Variants in MCF2L2 observed in about 807,000 individuals in gnomAD.
MCF2L2 encodes the protein MCF.2 cell line derived transforming sequence-like 2.
Under a neutral mutation model 150.2 loss-of-function variants are expected in MCF2L2, and 102 were observed. The observed-to-expected ratio is 0.68, with a 90% CI of 0.58 to 0.80. The LOEUF (loss-of-function observed/expected upper bound fraction) is 0.80. Ranked by LOEUF, MCF2L2 falls within the 30% of genes least tolerant of loss-of-function variation. The probability of loss-of-function intolerance (pLI) is 0.00; values close to 1 mark genes in which losing one functional copy is unlikely to be tolerated. For synonymous variants in MCF2L2, 465 were observed against 491.3 expected, an observed-to-expected ratio of 0.95 and a Z score of 0.71; for missense variants, 1,256 against 1,372.8, an observed-to-expected ratio of 0.91 and a Z score of 1.34.
At chr3:183,310,227 C>T (rs1729300581) in intron 9 of MCF2L2, among the ~76,000 whole-genome samples, 2 of 151,572 alleles carry the variant, frequency 1.3e-5, no homozygotes, top group Non-Finnish European at 2.9e-5. Flanking sequence ...CTGGGCCGGG[C>T]GCAGTGGCTC....
intron 3 of MCF2L2, chr3:183,376,055 CCAGA>C (rs1713172397): frequency 6.6e-6 from 1 of 151,850 alleles, no homozygotes; most frequent in Non-Finnish European, 1.5e-5. Flanking sequence ...GAAGAACTGG[CCAGA>C]CAGCCACTCT....
intron 1 of MCF2L2, among the ~76,000 whole-genome samples, chr3:183,402,606 G>A (rs1365491909): frequency 6.6e-6 from 1 of 151,726 alleles, no homozygotes; most frequent in African/African-American, 2.4e-5. Flanking sequence ...TTCGAGACAA[G>A]CCTGGGCAAC....
intron 1 of MCF2L2, among the ~76,000 whole-genome samples, chr3:183,411,531 A>T (rs1715315641): frequency 6.6e-6 from 1 of 152,198 alleles, no homozygotes; most frequent in African/African-American, 2.4e-5. Context: ...TTTGATCCTC[A>T]ATGATTTCAA....
chr3:183,250,573 C>T (rs1236986773), intron 15 of MCF2L2, among the ~76,000 whole-genome samples: 4 of 145,410 alleles, frequency 2.8e-5, no homozygotes, highest in Admixed American at 2.1e-4. Context: ...GGTGACAGAG[C>T]GATACTTCGT....
intron 3 of MCF2L2, among the ~76,000 whole-genome samples, chr3:183,368,280 T>C (rs1271790513): frequency 1.3e-5 from 2 of 152,182 alleles, no homozygotes; most frequent in Non-Finnish European, 2.9e-5. Flanking sequence ...TTCTGTTGTG[T>C]CCTAATGCAT....
At chr3:183,421,643 T>G (rs1577143668) in intron 1 of MCF2L2, among the ~76,000 whole-genome samples, 2 of 152,158 alleles carry the variant, frequency 1.3e-5, no homozygotes, top group African/African-American at 4.8e-5. Context: ...CACCTGGGCT[T>G]TCTCACAGGC....
At chr3:183,288,569 A>C (rs115234632) in intron 14 of MCF2L2, among the ~76,000 whole-genome samples, 3,001 of 151,550 alleles carry the variant, frequency 0.02, 59 homozygotes, top group East Asian at 0.053. Context: ...GTAACCTCCA[A>C]CTTCCAGTTT....
intron 5 of MCF2L2, among the ~76,000 whole-genome samples, chr3:183,324,951 T>G (rs989245603): frequency 3.3e-5 from 5 of 151,634 alleles, no homozygotes; most frequent in Middle Eastern, 6.8e-3. Flanking sequence ...ATAAAAAATG[T>G]AGAGTTCATG....
At chr3:183,225,832 T>G (rs1161430482) in intron 18 of MCF2L2, 1 of 152,264 alleles carries the variant, frequency 6.6e-6, no homozygotes, top group Non-Finnish European at 1.5e-5. Flanking sequence ...ATCCTCTGCA[T>G]ACATTATTTT....
At chr3:183,292,384 G>C (rs892143576) in intron 13 of MCF2L2, among the ~76,000 whole-genome samples, 1 of 151,904 alleles carries the variant, frequency 6.6e-6, no homozygotes, top group Non-Finnish European at 1.5e-5. Flanking sequence ...GCAAGACCCC[G>C]TTCTCCACAA....
At chr3:183,302,465 G>C (rs889413759) in intron 10 of MCF2L2, among the ~76,000 whole-genome samples, 1 of 152,106 alleles carries the variant, frequency 6.6e-6, no homozygotes, top group Non-Finnish European at 1.5e-5. Context: ...AGCAGAGGGA[G>C]CAAGAAGGAA....
At chr3:183,401,211 C>T (rs1427338615) in intron 1 of MCF2L2, among the ~76,000 whole-genome samples, 1 of 152,144 alleles carries the variant, frequency 6.6e-6, no homozygotes, top group Non-Finnish European at 1.5e-5. Flanking sequence ...GAGAGGCTGC[C>T]TTTTCCTGAT....
rs548351194 is a variant in MCF2L2 at position 183,204,369 on chromosome 3, T to C, written c.2884+1507A>G. Among the ~76,000 whole-genome samples, 4 of 152,178 alleles carry C rather than the reference T, an allele frequency of 2.6e-5. No individual in the cohort carries two copies. The East Asian group carries it at 5.8e-4, about 22-fold the overall frequency. ...AAAGAAGATATACCAATGGCCAATATGCATGTTAAAAGATGCTCAACATCA... is the reference window on the plus strand; with the variant it reads ...AAAGAAGATATACCAATGGCCAATACGCATGTTAAAAGATGCTCAACATCA... On this transcript the variant is annotated intron_variant, in intron 25 of 29. Coordinates refer to ENST00000328913, the MANE Select transcript of MCF2L2 (RefSeq NM_015078.4).
chr3:183,413,475 C>T (rs1179134659), intron 1 of MCF2L2, among the ~76,000 whole-genome samples: 3 of 152,170 alleles, frequency 2.0e-5, no homozygotes, highest in Non-Finnish European at 4.4e-5. Context: ...TCACAGCTCC[C>T]CCAGGGCTAA....
At chr3:183,331,333 G>A (rs1343534836) in intron 5 of MCF2L2, among the ~76,000 whole-genome samples, 9 of 152,162 alleles carry the variant, frequency 5.9e-5, no homozygotes, top group South Asian at 4.1e-4. Context: ...CCCATGCGGC[G>A]TGAGGTGACC....
At chr3:183,398,405 G>GCT (rs1714574499) in intron 1 of MCF2L2, among the ~76,000 whole-genome samples, 1 of 152,172 alleles carries the variant, frequency 6.6e-6, no homozygotes, top group Non-Finnish European at 1.5e-5. Flanking sequence ...AGAGAAGACA[G>GCT]CTCTCTGACT....
At chr3:183,326,487 CG>C (rs929395416) in intron 5 of MCF2L2, among the ~76,000 whole-genome samples, 11 of 99,534 alleles carry the variant, frequency 1.1e-4, no homozygotes, top group African/African-American at 5.0e-4. Flanking sequence ...AGTGAAACTC[CG>C]TCTCAAAAAA....
chr3:183,296,945 C>T lies in MCF2L2; in HGVS notation c.1497+31G>A, dbSNP rs569989773. 3 of 1,599,356 alleles carry T rather than the reference C, an allele frequency of 1.9e-6. No homozygotes were observed. The South Asian group carries it at 3.4e-5, about 18-fold the overall frequency. On this transcript the variant is annotated intron_variant, in intron 12 of 29. Transcript: ENST00000328913. ...CCTCCCTCCCCTATCCGTTTCCCAACCACAGGATCAAAATAACCCGGAAGC... is the reference window on the plus strand; with the variant it reads ...CCTCCCTCCCCTATCCGTTTCCCAATCACAGGATCAAAATAACCCGGAAGC...
At chr3:183,427,780 G>C in intron 1 of MCF2L2, 122 bp downstream of exon 1, 1 of 841,776 alleles carries the variant, frequency 1.2e-6, no homozygotes, top group Non-Finnish European at 2.0e-6. Flanking sequence ...CCCAGATGCC[G>C]GGCAACCCCC....
Sources: gnomAD v4.1 joint callset for allele counts (sites outside exome capture counted in the v4.1 genomes callset) on GRCh38, gnomAD v4.1.1 for gene constraint, MANE v1.5 for transcripts, NCBI Gene and HGNC (gene_info 2026-07-23, HGNC 2026-07-21) for gene names.